CSNK2A2IP: variants seen among roughly 807,000 people sequenced by gnomAD.
The protein encoded by CSNK2A2IP is casein kinase II subunit alpha'-interacting protein.
the CSNK2A2IP span, among the ~76,000 whole-genome samples, chr3:88,441,685 G>C: frequency 0.11 from 16,206 of 152,106 alleles, 1,018 homozygotes; most frequent in Non-Finnish European, 0.13. Context: ...GTTAGACTTA[G>C]GGTGAAATTA....
the CSNK2A2IP span, among the ~76,000 whole-genome samples, chr3:88,398,133 C>T: frequency 6.6e-6 from 1 of 152,070 alleles, no homozygotes; most frequent in Admixed American, 6.5e-5. Context: ...AAATTAAATG[C>T]CCTAATGTAG....
chr3:88,394,718 C>A, the CSNK2A2IP span, among the ~76,000 whole-genome samples: 27 of 152,178 alleles, frequency 1.8e-4, no homozygotes, highest in Admixed American at 4.6e-4. Flanking sequence ...TGCACTGCTT[C>A]ACCCATTTAT....
chr3:88,387,950 C>T, the CSNK2A2IP span, among the ~76,000 whole-genome samples: 1 of 152,106 alleles, frequency 6.6e-6, no homozygotes, highest in South Asian at 2.1e-4. Flanking sequence ...TGATTTCTAA[C>T]TCTTGGCCTC....
At chr3:88,359,896 A>G in the CSNK2A2IP span, among the ~76,000 whole-genome samples, 1 of 152,128 alleles carries the variant, frequency 6.6e-6, no homozygotes, top group Non-Finnish European at 1.5e-5. Flanking sequence ...TCTATAGTGC[A>G]GGTTAAGTCT....
At chr3:88,360,973 A>T in the CSNK2A2IP span, among the ~76,000 whole-genome samples, 1 of 152,234 alleles carries the variant, frequency 6.6e-6, no homozygotes, top group Non-Finnish European at 1.5e-5. Flanking sequence ...AAGCAAAGAG[A>T]AAACTAAGAC....
the CSNK2A2IP span, among the ~76,000 whole-genome samples, chr3:88,388,169 A>T: frequency 6.6e-6 from 1 of 152,140 alleles, no homozygotes; most frequent in African/African-American, 2.4e-5. Context: ...TAACAATTCC[A>T]TGACGTCTTT....
At chr3:88,459,351 A>G in the CSNK2A2IP span, among the ~76,000 whole-genome samples, 1 of 152,134 alleles carries the variant, frequency 6.6e-6, no homozygotes, top group Non-Finnish European at 1.5e-5. Context: ...CCTGTTAAAT[A>G]TCGGTATTGA....
At chr3:88,399,127 G>A in the CSNK2A2IP span, among the ~76,000 whole-genome samples, 1 of 151,824 alleles carries the variant, frequency 6.6e-6, no homozygotes, top group Non-Finnish European at 1.5e-5. Context: ...TTTTTAATGA[G>A]GCCATTTTTG....
At chr3:88,454,210 A>G in the CSNK2A2IP span, among the ~76,000 whole-genome samples, 1 of 152,016 alleles carries the variant, frequency 6.6e-6, no homozygotes, top group Non-Finnish European at 1.5e-5. Context: ...TCATGTACTT[A>G]CATCCCATTC....
chr3:88,465,867 A>C, the CSNK2A2IP span: 7 of 1,231,574 alleles, frequency 5.7e-6, no homozygotes, highest in African/African-American at 9.3e-5. Flanking sequence ...GCTGGAGATC[A>C]CTTTCATTGA....
chr3:88,380,125 T>A, the CSNK2A2IP span, among the ~76,000 whole-genome samples: 1 of 152,100 alleles, frequency 6.6e-6, no homozygotes, highest in African/African-American at 2.4e-5. Context: ...TTCTCCATTG[T>A]TATAAATGTG....
chr3:88,356,737 T>A, the CSNK2A2IP span, among the ~76,000 whole-genome samples: 1 of 152,182 alleles, frequency 6.6e-6, no homozygotes, highest in African/African-American at 2.4e-5. Context: ...TTCCCCTTTT[T>A]TTTCCACATC....
chr3:88,356,712 A>G, the CSNK2A2IP span, among the ~76,000 whole-genome samples: 4 of 152,112 alleles, frequency 2.6e-5, no homozygotes, highest in Non-Finnish European at 4.4e-5. Flanking sequence ...CATTCACATC[A>G]ACAGTGTAGG....
the CSNK2A2IP span, among the ~76,000 whole-genome samples, chr3:88,425,731 T>C: frequency 6.6e-6 from 1 of 152,152 alleles, no homozygotes; most frequent in South Asian, 2.1e-4. Context: ...AACTTTTAGT[T>C]ATACAAAAAT....
At chr3:88,414,729 C>T in the CSNK2A2IP span, among the ~76,000 whole-genome samples, 1 of 151,532 alleles carries the variant, frequency 6.6e-6, no homozygotes, top group African/African-American at 2.4e-5. Context: ...AGAATGACTG[C>T]AAAATTAATA....
At chr3:88,458,904 G>T in the CSNK2A2IP span, among the ~76,000 whole-genome samples, 1 of 152,122 alleles carries the variant, frequency 6.6e-6, no homozygotes, top group Non-Finnish European at 1.5e-5. Context: ...TTGTTGTATG[G>T]TTTACAATAT....
chr3:88,465,481 C>A, the CSNK2A2IP span: 3 of 1,231,742 alleles, frequency 2.4e-6, no homozygotes, highest in Non-Finnish European at 2.0e-6. Flanking sequence ...CAATAACCAA[C>A]CTATGGCCAA....
chr3:88,359,008 T>G, the CSNK2A2IP span, among the ~76,000 whole-genome samples: 1 of 151,780 alleles, frequency 6.6e-6, no homozygotes, highest in African/African-American at 2.4e-5. Context: ...AAAATCAATT[T>G]TTATCTTATG....
the CSNK2A2IP span, among the ~76,000 whole-genome samples, chr3:88,380,450 T>C: frequency 2.0e-5 from 3 of 151,592 alleles, no homozygotes; most frequent in South Asian, 2.1e-4. Context: ...TCTTAAATAT[T>C]ATCTTAGATT....
Sources: allele counts gnomAD v4.1 joint callset (sites outside exome capture counted in the v4.1 genomes callset), GRCh38; gene constraint gnomAD v4.1.1; transcripts MANE v1.5; gene names NCBI Gene and HGNC (gene_info 2026-07-23, HGNC 2026-07-21).